DNAJB1: variants seen among roughly 807,000 people sequenced by gnomAD.
The protein encoded by DNAJB1 is DnaJ heat shock protein family (Hsp40) member B1.
A neutral mutation model predicts 24.0 loss-of-function variants in DNAJB1; 14 were observed. The ratio of observed to expected loss-of-function variants is 0.58; its 90% CI spans 0.39 to 0.91. The LOEUF (loss-of-function observed/expected upper bound fraction) is 0.91. Among genes scored for constraint, DNAJB1 ranks in the 40% least tolerant of loss-of-function variants. DNAJB1 has a pLI of 0.00. For missense variants in DNAJB1, 517 were observed against 458.1 expected (o/e 1.13, Z -1.17); for synonymous variants, 262 against 174.4 (o/e 1.50, Z -3.96).
chr19:14,540,682 G>A (rs1249990576), intron 1 of DNAJB1, among the ~76,000 whole-genome samples: 2 of 151,604 alleles, frequency 1.3e-5, no homozygotes, highest in African/African-American at 2.4e-5. Context: ...ATGAGCCACC[G>A]TGCCTGGCCA....
chr19:14,547,658 AAT>A (rs1491146594), intron 1 of DNAJB1, among the ~76,000 whole-genome samples: 120 of 126,910 alleles, frequency 9.5e-4, no homozygotes, highest in African/African-American at 3.6e-3. Context: ...CACTGTACCT[AAT>A]ATTTTTTTTT....
chr19:14,516,946 C>T lies in DNAJB1; in HGVS notation c.312G>A (p.Glu104=), dbSNP rs1365656373. ...CAAAGGGATTTCTGCCACCGAAGAA[C>T]TCAGCAAACATGGCATGAGGGTCTC... ...FHGDPHAMFA[E]FFGGRNPFDT... is the part of the protein sequence containing the mutation. The change falls in exon 2 of 3, where the codon GAG becomes GAA. Residue 104 remains glutamate, a synonymous_variant. Transcript: ENST00000254322. The T allele has an allele frequency of 1.9e-6, 3 of 1,613,838 alleles. No individual in the cohort carries two copies. The highest frequency in any genetic ancestry group is 4.5e-5 in the East Asian group (2 of 44,888).
upstream of DNAJB1, chr19:14,518,540 G>A (rs1398428720): frequency 6.9e-6 from 3 of 433,910 alleles, no homozygotes; most frequent in Non-Finnish European, 3.8e-6. Context: ...CGACATCCGG[G>A]GCGGGGCCTC....
chr19:14,529,019 T>G (rs1482028695), intron 1 of DNAJB1: 1 of 154,544 alleles, frequency 6.5e-6, no homozygotes, highest in South Asian at 1.8e-4. Flanking sequence ...AGAATGGGGC[T>G]GGGGCTCAAG....
At chr19:14,546,768 T>C (rs962966100) in intron 1 of DNAJB1, among the ~76,000 whole-genome samples, 1 of 152,200 alleles carries the variant, frequency 6.6e-6, no homozygotes, top group Non-Finnish European at 1.5e-5. Context: ...TGCTGCAACC[T>C]CCACCTCTGA....
rs373933652 is a variant in DNAJB1 at position 14,550,265 on chromosome 19, C to T, written c.-271G>A. ...ATGATTCGTGTTGAGGATGAGCCTC[C>T]GTGCCTGGCTGGTTGTGAGTGGGCG... On this transcript the variant is annotated 5_prime_UTR_variant, in exon 1 of 4. Coordinates refer to the DNAJB1 transcript ENST00000676982. Among the ~76,000 whole-genome samples the T allele has an allele frequency of 2.8e-4, 42 of 152,184 alleles. 2 individuals carry two copies. Among genetic ancestry groups the T allele is most frequent in the East Asian group, 9.7e-4 (5 of 5,180 alleles).
At chr19:14,539,274 G>A (rs1420063303) in intron 1 of DNAJB1, among the ~76,000 whole-genome samples, 2 of 150,544 alleles carry the variant, frequency 1.3e-5, no homozygotes, top group South Asian at 2.1e-4. Flanking sequence ...GATTACAGGC[G>A]TGAGCCACCA....
chr19:14,535,126 ACGTTGGGAGG>A (rs991850160), intron 1 of DNAJB1, among the ~76,000 whole-genome samples: 30 of 152,146 alleles, frequency 2.0e-4, no homozygotes, highest in African/African-American at 7.2e-4. Context: ...TAATCCCAGC[ACGTTGGGAGG>A]CTGAGGCAGG....
At chr19:14,555,249 T>G (rs1055878371), upstream of DNAJB1, among the ~76,000 whole-genome samples, 4 of 151,040 alleles carry the variant, frequency 2.6e-5, no homozygotes, top group African/African-American at 9.7e-5. Flanking sequence ...CCCAGCTAAT[T>G]TTTTATTTTT....
rs181086536 is a variant in DNAJB1, at chr19:14,548,164, G to A, written c.-214+2044C>T. Among the ~76,000 whole-genome samples the A allele has an allele frequency of 2.5e-3, 379 of 151,732 alleles. 3 individuals are homozygous for A. Among genetic ancestry groups the A allele is most frequent in the African/African-American group, 4.0e-3 (164 of 41,390 alleles). ...TTTTTTGTAGAGATGGGGTTTCACC[G>A]TGTTAGCCAGGATCGTGTCGATCTC... On this transcript the variant is annotated intron_variant, in intron 1 of 3. Transcript: ENST00000676982.
chr19:14,518,342 T>C lies in DNAJB1; in HGVS notation c.8A>G (p.Lys3Arg), dbSNP rs1367177388. 9.5e-6 allele frequency: 15 copies of C among 1,580,094 alleles called. No individual in the cohort carries two copies. The highest frequency in any genetic ancestry group is 4.5e-4 in the Middle Eastern group (2 of 4,402). MG[K>R]DYYQTLGLAR... is the part of the protein sequence containing the mutation. The stretch of plus-strand genomic sequence containing the variant: ...CAGGCCCAACGTCTGGTAGTAGTCT[T>C]TACCCATGACCCCCTCCTGCGGCCC... The change falls in exon 1 of 3, where the codon AAA becomes AGA. Residue 3 changes from lysine (K) to arginine (R), a missense_variant. Lys to Arg is a conservative substitution (Grantham distance 26). Transcript: ENST00000254322.
upstream of DNAJB1, among the ~76,000 whole-genome samples, chr19:14,521,626 G>A (rs139274150): frequency 7.9e-5 from 12 of 151,910 alleles, no homozygotes; most frequent in Admixed American, 2.6e-4. Context: ...AGGAAGTTTT[G>A]TTTGTTTGTT....
chr19:14,524,718 C>T (rs1292329308), intron 2 of DNAJB1, among the ~76,000 whole-genome samples: 2 of 151,324 alleles, frequency 1.3e-5, no homozygotes, highest in East Asian at 1.9e-4. Flanking sequence ...TGGTGGCGTG[C>T]ACCTGTAATC....
intron 1 of DNAJB1, among the ~76,000 whole-genome samples, chr19:14,545,453 C>T (rs748099448): frequency 3.9e-5 from 6 of 152,134 alleles, no homozygotes; most frequent in African/African-American, 1.2e-4. Flanking sequence ...ATCGTGACCC[C>T]GTATTATGTA....
In DNAJB1 at chr19:14,516,102, A is replaced by G; in HGVS notation, c.861T>C (p.Asp287=). The G allele has an allele frequency of 6.2e-7, 1 of 1,613,826 alleles. No homozygotes were observed. Among genetic ancestry groups the G allele is most frequent in the Non-Finnish European group, 8.5e-7 (1 of 1,179,954 alleles). The change falls in exon 3 of 3, where the codon GAT becomes GAC. Residue 287 remains aspartate (D), a synonymous_variant. Transcript: ENST00000254322. ...DGRTIPVVFK[D]VIRPGMRRKV... ...TTCGCCGCATGCCAGGCCTGATAAC[A>G]TCTTTGAATACGACGGGTATCGTCC...
At chr19:14,524,737 T>C (rs368137586) in intron 2 of DNAJB1, among the ~76,000 whole-genome samples, 6 of 149,860 alleles carry the variant, frequency 4.0e-5, no homozygotes, top group East Asian at 1.9e-4. Context: ...TCCCAGCTAT[T>C]TGGGAGGCTG....
chr19:14,517,912 C>T (rs1418693652), intron 1 of DNAJB1: 1 of 418,366 alleles, frequency 2.4e-6, no homozygotes. Context: ...CGGGGAGGGG[C>T]AGCCCCAGAC....
chr19:14,551,913 C>G (rs10420177), upstream of DNAJB1, among the ~76,000 whole-genome samples: 3,231 of 133,744 alleles, frequency 0.024, 148 homozygotes, highest in African/African-American at 0.087. Context: ...CTCTCTCTCC[C>G]CCTCCCTCCC....
intron 2 of DNAJB1, among the ~76,000 whole-genome samples, chr19:14,526,562 T>C (rs1232499236): frequency 6.6e-6 from 1 of 152,194 alleles, no homozygotes; most frequent in Non-Finnish European, 1.5e-5. Context: ...AAATTATTTG[T>C]ATGTTCCGGT....
Sources: allele counts gnomAD v4.1 joint callset (sites outside exome capture counted in the v4.1 genomes callset), GRCh38; gene constraint gnomAD v4.1.1; transcripts MANE v1.5; gene names NCBI Gene and HGNC (gene_info 2026-07-23, HGNC 2026-07-21).